PTPRZ1: variants seen among roughly 807,000 people sequenced by gnomAD.
PTPRZ1 encodes protein tyrosine phosphatase receptor type Z1.
A neutral mutation model predicts 214.1 loss-of-function variants in PTPRZ1; 82 were observed. That is an observed-to-expected ratio of 0.38 (90% CI 0.32 to 0.46). PTPRZ1 has a LOEUF of 0.46. PTPRZ1 is among the 20% of genes least tolerant of loss of function. The pLI is 1.00. For missense variants in PTPRZ1, 2,603 were observed against 2,748.7 expected, an observed-to-expected ratio of 0.95 and a Z score of 1.19; for synonymous variants, 945 against 987.9, an observed-to-expected ratio of 0.96 and a Z score of 0.81.
chr7:121,954,530 A>G (rs1288039513), intron 2 of PTPRZ1, among the ~76,000 whole-genome samples: 1 of 152,154 alleles, frequency 6.6e-6, no homozygotes, highest in Non-Finnish European at 1.5e-5. Flanking sequence ...CTTGTCTCAT[A>G]TCCCATCTGG....
chr7:121,880,423 A>G (rs937562138), intron 1 of PTPRZ1, among the ~76,000 whole-genome samples: 2 of 152,016 alleles, frequency 1.3e-5, no homozygotes, highest in African/African-American at 4.8e-5. Context: ...GAAACATTCT[A>G]CCCTCTCTCT....
intron 2 of PTPRZ1, among the ~76,000 whole-genome samples, chr7:121,945,150 C>T (rs1796335943): frequency 6.6e-6 from 1 of 152,128 alleles, no homozygotes; most frequent in African/African-American, 2.4e-5. Context: ...TTCATATATT[C>T]AACACATCTT....
rs35947407 is a variant in PTPRZ1 at position 122,013,320 on chromosome 7, GTGATGA to G, written c.4287_4292del (p.Asp1430_Asp1431del). On this transcript the variant is annotated inframe_deletion, in exon 12 of 30. Coordinates refer to ENST00000393386, the MANE Select transcript of PTPRZ1 (RefSeq NM_002851.3). The stretch of plus-strand genomic sequence containing the variant: ...GAAGATGGTGACACTGATGATGATG[GTGATGA>G]TGATGATGATGACAGAGGTAGTGAT... 1.9e-6 allele frequency: 3 copies of G among 1,609,498 alleles called. No individual in the cohort carries two copies. In the African/African-American group the frequency reaches 4.0e-5, roughly 22 times the overall value.
At chr7:121,930,286 T>G (rs1795883951) in intron 2 of PTPRZ1, among the ~76,000 whole-genome samples, 1 of 152,194 alleles carries the variant, frequency 6.6e-6, no homozygotes, top group African/African-American at 2.4e-5. Context: ...TATAAAATAC[T>G]ACTTTTGATA....
intron 11 of PTPRZ1, 22 bp downstream of exon 11, chr7:122,004,682 T>A: frequency 7.9e-7 from 1 of 1,264,770 alleles, no homozygotes. Flanking sequence ...ATTTTTATAT[T>A]CAAATGTTTT....
In PTPRZ1 at chr7:122,010,682, C is replaced by T; in HGVS notation, c.1636C>T (p.Leu546Phe). 1 of 1,613,768 alleles carries T rather than the reference C, an allele frequency of 6.2e-7. No homozygotes were observed. The stretch of plus-strand genomic sequence containing the variant: ...TTTAAATGATGGCTCTAAAACTGTT[C>T]TTAGATCTCCACATATGAACTTGTC... ...ASLNDGSKTVLRSPHMNLSGT... is the reference protein window; with the variant it reads ...ASLNDGSKTVFRSPHMNLSGT... The change falls in exon 12 of 30, where the codon CTT (leucine) becomes TTT (phenylalanine). Residue 546 changes from leucine to phenylalanine, a missense_variant. Around this residue, in one of 6 missense-constraint regions of PTPRZ1, gnomAD observed 1,913 missense variants for 1,914.3 expected, o/e 1.00. Coordinates refer to ENST00000393386, the MANE Select transcript of PTPRZ1 (RefSeq NM_002851.3).
chr7:121,970,434 T>C (rs1028538095), intron 3 of PTPRZ1, among the ~76,000 whole-genome samples: 139 of 152,130 alleles, frequency 9.1e-4, no homozygotes, highest in Non-Finnish European at 8.5e-4. Context: ...TAAAAGTGTT[T>C]CTATTTCTCC....
intron 1 of PTPRZ1, among the ~76,000 whole-genome samples, chr7:121,903,925 A>G (rs1795040398): frequency 6.6e-6 from 1 of 151,588 alleles, no homozygotes; most frequent in Admixed American, 6.6e-5. Context: ...GCTAAAAGTT[A>G]ATCTGAAATG....
intron 2 of PTPRZ1, among the ~76,000 whole-genome samples, chr7:121,939,992 G>A (rs1188724901): frequency 2.0e-5 from 3 of 152,124 alleles, no homozygotes; most frequent in Non-Finnish European, 2.9e-5. Flanking sequence ...AAAGGGAGCA[G>A]CTATCCTAAG....
intron 1 of PTPRZ1, among the ~76,000 whole-genome samples, chr7:121,914,269 T>G (rs1041814992): frequency 5.3e-5 from 8 of 152,246 alleles, no homozygotes; most frequent in African/African-American, 1.9e-4. Context: ...TTATGATTAC[T>G]TGATATTTTC....
intron 11 of PTPRZ1, among the ~76,000 whole-genome samples, chr7:122,007,593 G>A (rs768075339): frequency 2.6e-5 from 4 of 152,046 alleles, no homozygotes; most frequent in Non-Finnish European, 5.9e-5. Context: ...ATGACAGGCT[G>A]GAAAATGCAT....
intron 18 of PTPRZ1, among the ~76,000 whole-genome samples, chr7:122,036,944 A>G (rs1276479828): frequency 1.3e-5 from 2 of 152,198 alleles, no homozygotes; most frequent in Admixed American, 6.5e-5. Context: ...TCAGGGTGGA[A>G]TAGGTAGATT....
At chr7:121,986,910 C>T (rs1013692453) in intron 8 of PTPRZ1, among the ~76,000 whole-genome samples, 5 of 152,124 alleles carry the variant, frequency 3.3e-5, no homozygotes, top group Non-Finnish European at 7.4e-5. Context: ...CAAGAAAATC[C>T]AGTCACACCA....
intron 15 of PTPRZ1, among the ~76,000 whole-genome samples, chr7:122,033,111 T>A (rs1349311022): frequency 1.3e-5 from 2 of 151,970 alleles, no homozygotes; most frequent in Non-Finnish European, 2.9e-5. Context: ...ATAAAATAAC[T>A]TCATGTTTTC....
Position 121,938,286 on chromosome 7 carries a change from C to G in PTPRZ1, c.124+10065C>G, listed in dbSNP as rs142192412. On this transcript the variant is annotated intron_variant, in intron 2 of 29. Coordinates refer to ENST00000393386, the MANE Select transcript of PTPRZ1 (RefSeq NM_002851.3). ...TTGCGAAGATAGGAAGAAATCTCACCCCCCCATATAGCCAAATAGGTACAA... is the reference window on the plus strand; with the variant it reads ...TTGCGAAGATAGGAAGAAATCTCACGCCCCCATATAGCCAAATAGGTACAA... Among the ~76,000 whole-genome samples the G allele has an allele frequency of 2.6e-4, 39 of 152,138 alleles. 1 individual carries two copies. Among genetic ancestry groups the G allele is most frequent in the African/African-American group, 9.2e-4 (38 of 41,508 alleles).
intron 1 of PTPRZ1, among the ~76,000 whole-genome samples, chr7:121,874,861 C>A (rs1039990385): frequency 1.1e-4 from 17 of 152,034 alleles, no homozygotes; most frequent in African/African-American, 4.1e-4. Context: ...TTAAAAAGTA[C>A]GTGGTCATCA....
At chr7:121,904,350 T>A (rs1795057971) in intron 1 of PTPRZ1, among the ~76,000 whole-genome samples, 1 of 152,164 alleles carries the variant, frequency 6.6e-6, no homozygotes, top group East Asian at 1.9e-4. Context: ...CTAAGATGGA[T>A]CGCAGATGGC....
chr7:122,061,342 A>G lies in PTPRZ1; in HGVS notation c.*122A>G, dbSNP rs1792571560. 8 of 1,017,694 alleles carry G rather than the reference A, an allele frequency of 7.9e-6. No homozygotes were observed. Among genetic ancestry groups the G allele is most frequent in the African/African-American group, 1.6e-5 (1 of 61,058 alleles). The allele number at this position is 1,017,694 out of a possible 1,614,324, so 63.0% of individuals were successfully genotyped here. A position where few individuals can be genotyped will look rare whatever the true frequency, so the allele number is the denominator to read the frequency against. ...CCATCACCTGACAGTAACTTTCATGACATAGGATTCTGCCGCCAAATTTAT... is the reference window on the plus strand; with the variant it reads ...CCATCACCTGACAGTAACTTTCATGGCATAGGATTCTGCCGCCAAATTTAT... On this transcript the variant is annotated 3_prime_UTR_variant, in exon 30 of 30. Transcript: ENST00000393386.
At chr7:122,038,253 G>A (rs1799608335) in intron 18 of PTPRZ1, among the ~76,000 whole-genome samples, 2 of 152,118 alleles carry the variant, frequency 1.3e-5, no homozygotes, top group Admixed American at 1.3e-4. Context: ...AAAACATCTT[G>A]TACAAAATGG....
Sources: gnomAD v4.1 joint callset for allele counts (sites outside exome capture counted in the v4.1 genomes callset) on GRCh38, gnomAD v4.1.1 for gene constraint, gnomAD v4.1.1 regional missense constraint, MANE v1.5 for transcripts, NCBI Gene and HGNC (gene_info 2026-07-23, HGNC 2026-07-21) for gene names.